IGLL5: variants seen among roughly 807,000 people sequenced by gnomAD.
The protein encoded by IGLL5 is immunoglobulin lambda-like polypeptide 5.
Under a neutral mutation model 20.9 loss-of-function variants are expected in IGLL5, and 30 were observed. The ratio of observed to expected loss-of-function variants is 1.44; its 90% CI spans 1.07 to 1.95. The LOEUF is 1.95. Ranked by LOEUF, IGLL5 falls within the 30% of genes most tolerant of loss-of-function variation. The pLI is 0.00. For synonymous variants in IGLL5, 203 were observed against 117.3 expected (o/e 1.73, Z -4.72); for missense variants, 475 against 270.7 (o/e 1.75, Z -5.30).
intron 2 of IGLL5, among the ~76,000 whole-genome samples, chr22:22,894,290 C>CGGCCTGGCCAA (rs2068012167): frequency 6.6e-6 from 1 of 151,056 alleles, no homozygotes; most frequent in African/African-American, 2.4e-5. Context: ...GGGAGGGCCA[C>CGGCCTGGCCAA]ACGGCCTGGT....
chr22:22,893,069 CAG>C (rs2067897893), intron 1 of IGLL5, among the ~76,000 whole-genome samples: 4 of 151,152 alleles, frequency 2.6e-5, no homozygotes, highest in Non-Finnish European at 1.5e-5. Flanking sequence ...AGCATAAAAA[CAG>C]TACCTGACAC....
In IGLL5 at chr22:22,888,823, G is replaced by C. The variant is rs1265526459; in HGVS notation, c.206+564G>C. Among the ~76,000 whole-genome samples the C allele has an allele frequency of 4.6e-5, 7 of 151,360 alleles. 1 individual carries two copies. Among genetic ancestry groups the C allele is most frequent in the South Asian group, 4.2e-4 (2 of 4,748 alleles). ...ACCGAGGGGAGCTGTCCAGTCATTGGAACAGGCCCACGGCCCATGTTTGGA... is the reference window on the plus strand; with the variant it reads ...ACCGAGGGGAGCTGTCCAGTCATTGCAACAGGCCCACGGCCCATGTTTGGA... On this transcript the variant is annotated intron_variant, in intron 1 of 2. Coordinates refer to ENST00000526893, the MANE Select transcript of IGLL5 (RefSeq NM_001178126.2).
Position 22,892,060 on chromosome 22 carries a change from A to G in IGLL5, c.207-1640A>G, listed in dbSNP as rs1170796325. Among the ~76,000 whole-genome samples, 3 of 151,388 alleles carry G rather than the reference A, an allele frequency of 2.0e-5. No individual in the cohort carries two copies. The East Asian group carries it at 6.1e-4, about 31-fold the overall frequency. ...TACAATATGCTGAATAATAAAAGTGAGACTAGACAACCTTGCCTTGTTTCT... is the reference window on the plus strand; with the variant it reads ...TACAATATGCTGAATAATAAAAGTGGGACTAGACAACCTTGCCTTGTTTCT... On this transcript the variant is annotated intron_variant, in intron 1 of 2. Coordinates refer to ENST00000526893, the MANE Select transcript of IGLL5 (RefSeq NM_001178126.2).
chr22:22,888,838 C>T, intron 1 of IGLL5, among the ~76,000 whole-genome samples: 1 of 151,398 alleles, frequency 6.6e-6, no homozygotes, highest in Non-Finnish European at 1.5e-5. Context: ...GGCCCACGGC[C>T]CATGTTTGGA....
chr22:22,888,805 G>A (rs537179990), intron 1 of IGLL5, among the ~76,000 whole-genome samples: 4 of 151,414 alleles, frequency 2.6e-5, no homozygotes, highest in East Asian at 2.0e-4. Context: ...TGAACCGAGG[G>A]GAGCTGTCCA....
chr22:22,887,948 C>G lies in IGLL5; in HGVS notation c.-106C>G. The G allele has an allele frequency of 1.1e-6, 1 of 880,214 alleles. No individual in the cohort carries two copies. The allele number at this position is 880,214 out of a possible 1,614,324, so 54.5% of individuals were successfully genotyped here. On this transcript the variant is annotated 5_prime_UTR_variant, in exon 1 of 3. Coordinates refer to ENST00000526893, the MANE Select transcript of IGLL5 (RefSeq NM_001178126.2). The stretch of plus-strand genomic sequence containing the variant: ...CCAGGGAGAGGACAGAGCCAATGGA[C>G]TGGGGTGTACTGTAACAGCCCTGCT...
intron 1 of IGLL5, among the ~76,000 whole-genome samples, chr22:22,891,067 T>C (rs2067831143): frequency 6.6e-6 from 1 of 151,076 alleles, no homozygotes; most frequent in Admixed American, 6.6e-5. Context: ...GTTTATGGGG[T>C]CTCCCACCAT....
chr22:22,888,516 A>C (rs1601601657), intron 1 of IGLL5, among the ~76,000 whole-genome samples: 2 of 151,410 alleles, frequency 1.3e-5, no homozygotes, highest in South Asian at 2.1e-4. Context: ...CACCAGGGTC[A>C]GTGCCTCAAT....
At chr22:22,889,526 A>C (rs558795311) in intron 1 of IGLL5, among the ~76,000 whole-genome samples, 3 of 151,318 alleles carry the variant, frequency 2.0e-5, no homozygotes, top group African/African-American at 4.8e-5. Context: ...GATGGGAGAA[A>C]ACTGGAAAAA....
rs760874266 is a variant in IGLL5, at chr22:22,895,386, G to A, written c.337G>A (p.Ala113Thr). The A allele has an allele frequency of 6.2e-7, 1 of 1,612,830 alleles. No homozygotes were observed. Among genetic ancestry groups the A allele is most frequent in the South Asian group, 1.1e-5 (1 of 91,018 alleles). The change falls in exon 3 of 3, where the codon GCC becomes ACC. Residue 113 changes from alanine to threonine, a missense_variant. Physicochemically the swap from Ala to Thr is moderately conservative, Grantham distance 58. Transcript: ENST00000526893. ...TKVTVLGQPK[A>T]NPTVTLFPPS... Reference sequence around the variant, plus strand: ...CCCTGTCCACACAGGTCAGCCCAAGGCCAACCCCACTGTCACTCTGTTCCC... The same window carrying A: ...CCCTGTCCACACAGGTCAGCCCAAGACCAACCCCACTGTCACTCTGTTCCC...
chr22:22,888,757 T>C (rs1011893574), intron 1 of IGLL5, among the ~76,000 whole-genome samples: 3 of 151,338 alleles, frequency 2.0e-5, no homozygotes, highest in Admixed American at 6.6e-5. Flanking sequence ...ACATAAATGC[T>C]TACTGGGGCC....
chr22:22,893,951 CCTGG>C, intron 2 of IGLL5, 133 bp downstream of exon 2: 1 of 725,750 alleles, frequency 1.4e-6, no homozygotes, highest in Admixed American at 2.1e-5. Flanking sequence ...CTCCATGGGG[CCTGG>C]AGGAGGTGCA....
intron 1 of IGLL5, among the ~76,000 whole-genome samples, chr22:22,888,918 G>C (rs552422080): frequency 6.6e-6 from 1 of 151,306 alleles, no homozygotes. Flanking sequence ...AGGGGCACTG[G>C]CTGGTGATGG....
chr22:22,894,760 GAGACAGGAAACATCTC>G, intron 2 of IGLL5, among the ~76,000 whole-genome samples: 1 of 151,288 alleles, frequency 6.6e-6, no homozygotes, highest in East Asian at 2.0e-4. Flanking sequence ...CGGGCTTGTG[GAGACAGGAAACATCTC>G]AGAGCCTCAG....
At chr22:22,890,934 T>C (rs947848533) in intron 1 of IGLL5, among the ~76,000 whole-genome samples, 2 of 151,204 alleles carry the variant, frequency 1.3e-5, no homozygotes, top group African/African-American at 4.9e-5. Flanking sequence ...TGCCCGCCTT[T>C]CCATTCAGTT....
chr22:22,894,818 A>T (rs566560282), intron 2 of IGLL5, among the ~76,000 whole-genome samples: 2 of 150,868 alleles, frequency 1.3e-5, no homozygotes, highest in African/African-American at 2.4e-5. Context: ...GGTGGAGCCC[A>T]CTCCTTGCCA....
rs142000285 is a variant in IGLL5 at position 22,888,012 on chromosome 22, T to G, written c.-42T>G. On this transcript the variant is annotated 5_prime_UTR_variant, in exon 1 of 3. An upstream start codon of the reference 5' UTR is lost. Coordinates refer to ENST00000526893, the MANE Select transcript of IGLL5 (RefSeq NM_001178126.2). The stretch of plus-strand genomic sequence containing the variant: ...AGGGCACCGTCCTCCAGGGAGCCCA[T>G]GCTGCAAGTCGGGCCAGAGGTGCCC... 2.0e-6 allele frequency: 3 copies of G among 1,493,668 alleles called. No individual in the cohort carries two copies. Among genetic ancestry groups the G allele is most frequent in the East Asian group, 2.5e-5 (1 of 40,362 alleles). The allele number at this position is 1,493,668 out of a possible 1,614,324, so 92.5% of individuals were successfully genotyped here.
chr22:22,888,169 T>A lies in IGLL5; in HGVS notation c.116T>A (p.Leu39Gln), dbSNP rs532234272. 3.9e-6 allele frequency: 6 copies of A among 1,549,128 alleles called. 2 individuals carry two copies. The highest frequency in any genetic ancestry group is 3.4e-4 in the Middle Eastern group (2 of 5,814). Residue 39 changes from leucine (L) to glutamine (Q), a missense_variant, in exon 1 of 3, where the codon CTG (leucine) becomes CAG (glutamine). Coordinates refer to ENST00000526893, the MANE Select transcript of IGLL5 (RefSeq NM_001178126.2). ...CTGGCCATGGTCGCCCATGGCCTGC[T>A]GCGCCCAATGGTTGCACCGCAAAGC... ...LGLAMVAHGLLRPMVAPQSGD... is the reference protein window; with the variant it reads ...LGLAMVAHGLQRPMVAPQSGD...
chr22:22,888,861 G>A (rs1055657896), intron 1 of IGLL5, among the ~76,000 whole-genome samples: 1 of 151,478 alleles, frequency 6.6e-6, no homozygotes, highest in South Asian at 2.1e-4. Flanking sequence ...AATAAAGGGA[G>A]AGGGGATCTC....
Sources: allele counts gnomAD v4.1 joint callset (sites outside exome capture counted in the v4.1 genomes callset), GRCh38; gene constraint gnomAD v4.1.1; transcripts MANE v1.5; gene names NCBI Gene and HGNC (gene_info 2026-07-23, HGNC 2026-07-21).